LINGO2: variants seen among roughly 807,000 people sequenced by gnomAD.
LINGO2 encodes leucine rich repeat and Ig domain containing 2, also known as leucine-rich repeat and immunoglobulin-like domain-containing nogo receptor-interacting protein 2.
LINGO2 carries 14 observed loss-of-function variants against 30.6 expected under a neutral mutation model. That is an observed-to-expected ratio of 0.46 (90% CI 0.30 to 0.72). The LOEUF (loss-of-function observed/expected upper bound fraction) is 0.72, where lower values mean the gene tolerates loss of function less well. LINGO2 is among the 30% of genes least tolerant of loss of function. The pLI is 0.07. For missense variants in LINGO2, 729 were observed against 751.7 expected (o/e 0.97, Z 0.35); for synonymous variants, 317 against 288.5 (o/e 1.10, Z -1.00).
the LINGO2 span, among the ~76,000 whole-genome samples, chr9:28,744,690 G>A: frequency 6.9e-6 from 1 of 145,920 alleles, no homozygotes; most frequent in Non-Finnish European, 1.5e-5. Flanking sequence ...AGGCTGGAGT[G>A]CAGTGGAGTG....
Position 28,517,252 on chromosome 9 carries a change from A to T in LINGO2, c.-364-41227T>A, listed in dbSNP as rs548592312. Among the ~76,000 whole-genome samples, 3 of 151,942 alleles carry T rather than the reference A, an allele frequency of 2.0e-5. No homozygotes were observed. In the South Asian group the frequency reaches 6.3e-4, roughly 32 times the overall value. On this transcript the variant is annotated intron_variant, in intron 1 of 5. Transcript: ENST00000379992. ...CCCCTCCACCCCCACCACAGCTGCCACTCCTTCTAAAAGAGCCAGATCTTT... is the reference window on the plus strand; with the variant it reads ...CCCCTCCACCCCCACCACAGCTGCCTCTCCTTCTAAAAGAGCCAGATCTTT...
At chr9:28,987,242 T>C in the LINGO2 span, among the ~76,000 whole-genome samples, 3 of 151,980 alleles carry the variant, frequency 2.0e-5, no homozygotes, top group African/African-American at 4.8e-5. Context: ...GGTCTGTTCG[T>C]ATTTGCTATT....
At chr9:28,711,144 T>G in the LINGO2 span, among the ~76,000 whole-genome samples, 1 of 152,122 alleles carries the variant, frequency 6.6e-6, no homozygotes, top group Non-Finnish European at 1.5e-5. Context: ...ATTTATTAAG[T>G]GCTTAATGTA....
the LINGO2 span, among the ~76,000 whole-genome samples, chr9:28,867,245 A>C: frequency 3.3e-5 from 5 of 152,290 alleles, no homozygotes; most frequent in African/African-American, 1.2e-4. Flanking sequence ...ATAGTAGAGC[A>C]AGTAAAATAA....
intron 4 of LINGO2, among the ~76,000 whole-genome samples, chr9:28,260,016 C>A (rs1170166831): frequency 6.6e-6 from 1 of 151,728 alleles, no homozygotes; most frequent in Non-Finnish European, 1.5e-5. Context: ...CCATGGACAA[C>A]CCATTTTTAA....
chr9:28,620,052 C>A (rs1826320490), intron 1 of LINGO2, among the ~76,000 whole-genome samples: 1 of 126,732 alleles, frequency 7.9e-6, no homozygotes, highest in Non-Finnish European at 1.8e-5. Context: ...AGCCATGTAA[C>A]CACACTATTT....
intron 2 of LINGO2, among the ~76,000 whole-genome samples, chr9:28,395,488 A>T (rs1290965891): frequency 6.6e-6 from 1 of 152,102 alleles, no homozygotes; most frequent in African/African-American, 2.4e-5. Flanking sequence ...TTCAACTATG[A>T]TATTGAAGCA....
rs141532811 is a variant in LINGO2, at chr9:28,296,003, A to G, written c.-245-637T>C. On this transcript the variant is annotated intron_variant, in intron 3 of 5. Coordinates refer to ENST00000379992, the Ensembl canonical transcript of LINGO2. ...AGTAAGACAGTACTGTAAGAGAGTA[A>G]CCAATGTAAATGCATTGTAGCCAGA... Among the ~76,000 whole-genome samples, 105 of 152,346 alleles carry G rather than the reference A, an allele frequency of 6.9e-4. No homozygotes were observed. The East Asian group carries it at 0.01, about 15-fold the overall frequency.
chr9:29,125,789 T>C, the LINGO2 span, among the ~76,000 whole-genome samples: 1 of 152,160 alleles, frequency 6.6e-6, no homozygotes, highest in Non-Finnish European at 1.5e-5. Flanking sequence ...AATGCGTACA[T>C]GCTCATGAAC....
chr9:28,846,285 CA>C, the LINGO2 span, among the ~76,000 whole-genome samples: 7 of 151,622 alleles, frequency 4.6e-5, no homozygotes, highest in Non-Finnish European at 8.8e-5. Flanking sequence ...CCTCTTGCCT[CA>C]AGTTGCAGTG....
intron 1 of LINGO2, among the ~76,000 whole-genome samples, chr9:28,592,373 G>C (rs1280763008): frequency 6.6e-6 from 1 of 152,032 alleles, no homozygotes; most frequent in Non-Finnish European, 1.5e-5. Flanking sequence ...CAAAATCTGG[G>C]AGTAGGGATG....
chr9:27,969,604 G>A (rs990340296), intron 5 of LINGO2, among the ~76,000 whole-genome samples: 4 of 151,840 alleles, frequency 2.6e-5, no homozygotes, highest in African/African-American at 9.7e-5. Flanking sequence ...TGAGTCTCTG[G>A]GTTAAGTTTA....
the LINGO2 span, among the ~76,000 whole-genome samples, chr9:28,856,382 G>A: frequency 6.6e-6 from 1 of 151,976 alleles, no homozygotes; most frequent in Admixed American, 6.6e-5. Flanking sequence ...TGTAGCAGGA[G>A]AGACTAATAT....
chr9:29,093,056 T>TATATATATATATATATATATA, the LINGO2 span, among the ~76,000 whole-genome samples: 1 of 102,562 alleles, frequency 9.8e-6, no homozygotes, highest in Admixed American at 1.0e-4. Flanking sequence ...TATATATATA[T>TATATATATATATATATATATA]GGAGAGAGAG....
intron 1 of LINGO2, among the ~76,000 whole-genome samples, chr9:28,638,247 C>T (rs1444673038): frequency 6.6e-6 from 1 of 152,174 alleles, no homozygotes; most frequent in East Asian, 1.9e-4. Context: ...ATTTCTGCAT[C>T]GATGTTCATC....
chr9:29,063,700 C>A, the LINGO2 span, among the ~76,000 whole-genome samples: 19 of 152,052 alleles, frequency 1.2e-4, no homozygotes, highest in Non-Finnish European at 2.4e-4. Context: ...TGCACCCGGC[C>A]CTGATTCCAC....
chr9:27,966,390 A>G (rs996343658), intron 5 of LINGO2, among the ~76,000 whole-genome samples: 1 of 152,326 alleles, frequency 6.6e-6, no homozygotes, highest in African/African-American at 2.4e-5. Flanking sequence ...CTATGCAGCC[A>G]TAAAAAAGAA....
At chr9:28,980,434 T>C in the LINGO2 span, among the ~76,000 whole-genome samples, 3 of 152,214 alleles carry the variant, frequency 2.0e-5, no homozygotes, top group African/African-American at 7.2e-5. Flanking sequence ...GTCTGTATGA[T>C]GGCCAGAAAG....
the LINGO2 span, among the ~76,000 whole-genome samples, chr9:28,700,595 C>T: frequency 6.6e-6 from 1 of 152,076 alleles, no homozygotes; most frequent in East Asian, 1.9e-4. Flanking sequence ...GCTATAACAT[C>T]CATGTTTAAA....
Sources: gnomAD v4.1 joint callset for allele counts (sites outside exome capture counted in the v4.1 genomes callset) on GRCh38, gnomAD v4.1.1 for gene constraint, MANE v1.5 for transcripts, NCBI Gene and HGNC (gene_info 2026-07-23, HGNC 2026-07-21) for gene names.